TTC29: variants seen among roughly 807,000 people sequenced by gnomAD.
TTC29 encodes the protein tetratricopeptide repeat domain 29, also known as tetratricopeptide repeat protein 29.
A neutral mutation model predicts 58.1 loss-of-function variants in TTC29; 49 were observed. The observed-to-expected ratio is 0.84, with a 90% confidence interval of 0.67 to 1.07. The LOEUF (loss-of-function observed/expected upper bound fraction) is 1.07, where lower values mean the gene tolerates loss of function less well. TTC29 is among the 50% of genes least tolerant of loss of function. The probability of loss-of-function intolerance (pLI) is 0.00; values close to 1 mark genes in which losing one functional copy is unlikely to be tolerated. For missense variants in TTC29, 582 were observed against 555.6 expected (o/e 1.05, Z -0.48); for synonymous variants, 209 against 196.8 (o/e 1.06, Z -0.52).
chr4:146,826,580 A>G (rs1380537334), intron 9 of TTC29, among the ~76,000 whole-genome samples: 1 of 151,888 alleles, frequency 6.6e-6, no homozygotes, highest in Admixed American at 6.6e-5. Context: ...TCTGATGATC[A>G]TGTTTCTTGG....
chr4:146,923,586 T>C (rs1209246588), intron 4 of TTC29, among the ~76,000 whole-genome samples: 1 of 151,848 alleles, frequency 6.6e-6, no homozygotes, highest in Non-Finnish European at 1.5e-5. Flanking sequence ...TGGGATACAT[T>C]AGAATAGTCT....
intron 11 of TTC29, among the ~76,000 whole-genome samples, chr4:146,720,070 T>C (rs992822525): frequency 6.6e-6 from 1 of 152,118 alleles, no homozygotes; most frequent in Non-Finnish European, 1.5e-5. Flanking sequence ...CTAAGAGTAC[T>C]AGAAGACTTT....
At chr4:146,781,266 C>A (rs1053421739) in intron 11 of TTC29, among the ~76,000 whole-genome samples, 2 of 151,894 alleles carry the variant, frequency 1.3e-5, no homozygotes, top group Admixed American at 6.6e-5. Context: ...TATGGCTTGA[C>A]ATATTTCCCA....
At chr4:146,908,821 C>T (rs1733697702) in intron 5 of TTC29, among the ~76,000 whole-genome samples, 2 of 152,218 alleles carry the variant, frequency 1.3e-5, no homozygotes, top group South Asian at 4.1e-4. Flanking sequence ...CTCGGAAGGA[C>T]ATCACCAGAA....
chr4:146,878,520 A>G (rs1291294788), intron 6 of TTC29, among the ~76,000 whole-genome samples: 1 of 152,300 alleles, frequency 6.6e-6, no homozygotes. Context: ...CATGACTCAA[A>G]TATATGCTCC....
intron 12 of TTC29, 104 bp downstream of exon 12, chr4:146,707,381 G>A: frequency 1.2e-6 from 1 of 861,608 alleles, no homozygotes; most frequent in Non-Finnish European, 1.8e-6. Flanking sequence ...AGGTTATCAA[G>A]TGCTGGATGA....
intron 6 of TTC29, among the ~76,000 whole-genome samples, chr4:146,876,316 T>C (rs1218173422): frequency 2.0e-5 from 3 of 152,200 alleles, no homozygotes; most frequent in African/African-American, 7.2e-5. Flanking sequence ...AATTGAAATA[T>C]AGCCACTAAT....
At chr4:146,831,643 G>A (rs1197728236) in intron 9 of TTC29, 3 of 413,454 alleles carry the variant, frequency 7.3e-6, no homozygotes, top group Non-Finnish European at 1.5e-5. Context: ...CAGATTACCT[G>A]GTAGTGCCAA....
chr4:146,938,222 C>T lies in TTC29; in HGVS notation c.93-545G>A, dbSNP rs572449821. Among the ~76,000 whole-genome samples, 31 of 152,138 alleles carry T rather than the reference C, an allele frequency of 2.0e-4. 1 individual carries two copies. The South Asian group carries it at 5.8e-3, about 28-fold the overall frequency. On this transcript the variant is annotated intron_variant, in intron 3 of 12. Coordinates refer to ENST00000325106, the MANE Select transcript of TTC29 (RefSeq NM_031956.4). ...TTGAAAATGTATTATACTTGTAGTGCGTTCATTCTTCACACCCTTTTGCAC... is the reference window on the plus strand; with the variant it reads ...TTGAAAATGTATTATACTTGTAGTGTGTTCATTCTTCACACCCTTTTGCAC...
chr4:146,820,761 G>T (rs1014058078), intron 9 of TTC29, among the ~76,000 whole-genome samples: 10 of 152,132 alleles, frequency 6.6e-5, no homozygotes, highest in Non-Finnish European at 1.3e-4. Context: ...GGCTGGGCAC[G>T]GTGGCTCATG....
At chr4:146,935,534 G>A (rs1367431263) in intron 4 of TTC29, among the ~76,000 whole-genome samples, 1 of 152,142 alleles carries the variant, frequency 6.6e-6, no homozygotes, top group Non-Finnish European at 1.5e-5. Flanking sequence ...CAGACAGGGA[G>A]CCAAACTCAA....
At chr4:146,750,267 A>G (rs1745883474) in intron 11 of TTC29, among the ~76,000 whole-genome samples, 1 of 152,168 alleles carries the variant, frequency 6.6e-6, no homozygotes. Flanking sequence ...TCGGCCTCCC[A>G]AAGTGCTGGG....
chr4:146,793,040 C>T (rs367697266), intron 11 of TTC29, among the ~76,000 whole-genome samples: 2 of 152,086 alleles, frequency 1.3e-5, no homozygotes, highest in Non-Finnish European at 2.9e-5. Context: ...TGAGGAGTTG[C>T]TTCTTATGGA....
intron 11 of TTC29, among the ~76,000 whole-genome samples, chr4:146,747,664 C>T (rs1163455722): frequency 6.6e-6 from 1 of 152,180 alleles, no homozygotes; most frequent in African/African-American, 2.4e-5. Flanking sequence ...CCCTGGGGAC[C>T]TCAGGCCTCC....
At chr4:146,831,745 T>G (rs574690738) in intron 9 of TTC29, 1 of 451,950 alleles carries the variant, frequency 2.2e-6, no homozygotes, top group Non-Finnish European at 4.5e-6. Context: ...ATATTCCAGA[T>G]AAGAAGCAAG....
At chr4:146,735,723 A>G (rs1460701239) in intron 11 of TTC29, among the ~76,000 whole-genome samples, 2 of 152,166 alleles carry the variant, frequency 1.3e-5, no homozygotes, top group African/African-American at 4.8e-5. Flanking sequence ...GTCATGGTAA[A>G]TGTTGTGGTT....
chr4:146,756,786 C>T (rs1382563371), intron 11 of TTC29, among the ~76,000 whole-genome samples: 1 of 151,668 alleles, frequency 6.6e-6, no homozygotes, highest in African/African-American at 2.4e-5. Context: ...TGTCTTCCAG[C>T]TCTGACTTTC....
chr4:146,722,274 A>G (rs536275463), intron 11 of TTC29, among the ~76,000 whole-genome samples: 1 of 152,238 alleles, frequency 6.6e-6, no homozygotes, highest in Non-Finnish European at 1.5e-5. Context: ...TGCTGTTCCT[A>G]TCAAGCTACC....
In TTC29 at chr4:146,820,365, A is replaced by C; in HGVS notation, c.978-117T>G. On this transcript the variant is annotated intron_variant, in intron 9 of 12. Coordinates refer to ENST00000325106, the MANE Select transcript of TTC29 (RefSeq NM_031956.4). ...GCAAGATGGTTATCAGGATAATAAG[A>C]TTTAATGTGTAAATACCAAATTAAA... 6.9e-6 allele frequency: 8 copies of C among 1,156,370 alleles called. No homozygotes were observed. In the South Asian group the frequency reaches 1.2e-4, roughly 17 times the overall value. 71.6% of individuals were successfully genotyped at this position (1,156,370 alleles called of 1,614,324 possible).
Sources: gnomAD v4.1 joint callset for allele counts (sites outside exome capture counted in the v4.1 genomes callset) on GRCh38, gnomAD v4.1.1 for gene constraint, MANE v1.5 for transcripts, NCBI Gene and HGNC (gene_info 2026-07-23, HGNC 2026-07-21) for gene names.